KCNMA1: variants seen among roughly 807,000 people sequenced by gnomAD.
KCNMA1 encodes Calcium-activated potassium channel subunit alpha-1.
KCNMA1 carries 29 observed loss-of-function variants against 140.0 expected under a neutral mutation model. The ratio of observed to expected loss-of-function variants is 0.21; its 90% CI spans 0.15 to 0.28. The LOEUF is 0.28. Among genes scored for constraint, KCNMA1 ranks in the 10% least tolerant of loss-of-function variants. KCNMA1 has a pLI of 1.00. For synonymous variants in KCNMA1, 612 were observed against 611.9 expected (o/e 1.00, Z 0.00); for missense variants, 880 against 1,602.2 (o/e 0.55, Z 7.70).
intron 1 of KCNMA1, among the ~76,000 whole-genome samples, chr10:77,516,775 G>C (rs1450415791): frequency 6.6e-6 from 1 of 152,206 alleles, no homozygotes; most frequent in East Asian, 1.9e-4. Flanking sequence ...CCCTGTGCAA[G>C]TGTAAGAGGC....
At chr10:77,162,636 C>G (rs790) in intron 5 of KCNMA1, among the ~76,000 whole-genome samples, 48,563 of 151,980 alleles carry the variant, frequency 0.32, 9,649 homozygotes, top group East Asian at 0.9. Flanking sequence ...TCTTTCTGGT[C>G]TTTAAGGAAG....
chr10:77,208,789 G>C (rs567425805), intron 3 of KCNMA1, among the ~76,000 whole-genome samples: 1 of 152,274 alleles, frequency 6.6e-6, no homozygotes, highest in South Asian at 2.1e-4. Flanking sequence ...CAAATACACT[G>C]ATTCCCCAAT....
chr10:76,920,012 GTGTGTGTGTATA>G (rs1268315727), intron 23 of KCNMA1, among the ~76,000 whole-genome samples: 576 of 51,408 alleles, frequency 0.011, 3 homozygotes, highest in African/African-American at 0.052. Flanking sequence ...GTGTGTGTGT[GTGTGTGTGTATA>G]TATATATATA....
intron 9 of KCNMA1, among the ~76,000 whole-genome samples, chr10:77,096,242 T>C (rs2153812399): frequency 6.6e-6 from 1 of 152,164 alleles, no homozygotes; most frequent in African/African-American, 2.4e-5. Context: ...ATTGGGAGAC[T>C]GGGGGGCGAG....
At chr10:77,000,854 G>GGA (rs2086020856) in intron 19 of KCNMA1, among the ~76,000 whole-genome samples, 1 of 10,518 alleles carries the variant, frequency 9.5e-5, no homozygotes, top group African/African-American at 3.4e-4. Flanking sequence ...ATAGTAAAAA[G>GGA]AAAATATATA....
chr10:76,989,902 C>T (rs1458240081), intron 19 of KCNMA1, among the ~76,000 whole-genome samples: 1 of 151,780 alleles, frequency 6.6e-6, no homozygotes, highest in Non-Finnish European at 1.5e-5. Flanking sequence ...ATCTAGCAGT[C>T]CACTCATCCG....
chr10:77,288,910 G>A (rs1244255108), intron 2 of KCNMA1, among the ~76,000 whole-genome samples: 1 of 152,182 alleles, frequency 6.6e-6, no homozygotes, highest in Non-Finnish European at 1.5e-5. Context: ...CACAAGGCCA[G>A]GCAAGAAGAA....
At chr10:77,535,253 C>A (rs2058638436) in intron 1 of KCNMA1, among the ~76,000 whole-genome samples, 1 of 152,198 alleles carries the variant, frequency 6.6e-6, no homozygotes, top group Admixed American at 6.5e-5. Flanking sequence ...ACCATTGACT[C>A]CTGTTCATCT....
At chr10:77,551,401 C>T (rs1354028051) in intron 1 of KCNMA1, among the ~76,000 whole-genome samples, 1 of 151,978 alleles carries the variant, frequency 6.6e-6, no homozygotes, top group Non-Finnish European at 1.5e-5. Flanking sequence ...CAAATGTATA[C>T]CCAGCAAAAA....
intron 17 of KCNMA1, among the ~76,000 whole-genome samples, chr10:77,013,268 C>T (rs1402922731): frequency 6.6e-6 from 1 of 152,122 alleles, no homozygotes; most frequent in Non-Finnish European, 1.5e-5. Flanking sequence ...ACTCAGTGTC[C>T]TCATCTGTAA....
intron 2 of KCNMA1, among the ~76,000 whole-genome samples, chr10:77,251,606 T>C (rs547993446): frequency 1.3e-5 from 2 of 152,296 alleles, no homozygotes; most frequent in Admixed American, 1.3e-4. Context: ...ATACAATTTT[T>C]AATATTATAT....
chr10:77,574,182 C>T (rs1188901143), intron 1 of KCNMA1, among the ~76,000 whole-genome samples: 3 of 151,934 alleles, frequency 2.0e-5, no homozygotes, highest in South Asian at 2.1e-4. Flanking sequence ...TGTCAAGCTG[C>T]ATCTCATGTG....
At chr10:77,032,412 A>T (rs144777184) in intron 15 of KCNMA1, among the ~76,000 whole-genome samples, 42 of 152,242 alleles carry the variant, frequency 2.8e-4, no homozygotes, top group African/African-American at 9.9e-4. Context: ...AGGTAAGGGG[A>T]AAAAAGGAAG....
At chr10:77,177,713 T>C (rs776907543) in intron 5 of KCNMA1, among the ~76,000 whole-genome samples, 1 of 152,126 alleles carries the variant, frequency 6.6e-6, no homozygotes, top group Non-Finnish European at 1.5e-5. Flanking sequence ...CAGCCTCCAC[T>C]GAGCCCCAGC....
In KCNMA1 at chr10:76,885,488, A is replaced by C; in HGVS notation, c.*1778T>G. On this transcript the variant is annotated 3_prime_UTR_variant, in exon 28 of 28. Coordinates refer to ENST00000286628, the MANE Select transcript of KCNMA1 (RefSeq NM_001161352.2). ...TCAGTAAAAGTGCTTGTCAATTCACACAGCAAGCAAATATCCAAAACTATC... is the reference window on the plus strand; with the variant it reads ...TCAGTAAAAGTGCTTGTCAATTCACCCAGCAAGCAAATATCCAAAACTATC... The C allele has an allele frequency of 1.0e-6, 1 of 985,252 alleles. No individual in the cohort carries two copies. Among genetic ancestry groups the C allele is most frequent in the Non-Finnish European group, 1.2e-6 (1 of 829,910 alleles). 61.0% of individuals were successfully genotyped at this position (985,252 alleles called of 1,614,324 possible). A position where few individuals can be genotyped will look rare whatever the true frequency, so the allele number is the denominator to read the frequency against.
chr10:77,176,610 T>A (rs569374690), intron 5 of KCNMA1, among the ~76,000 whole-genome samples: 222 of 152,116 alleles, frequency 1.5e-3, no homozygotes, highest in Admixed American at 2.7e-3. Context: ...AGCAAAGGAC[T>A]CCAAAAGGCT....
intron 10 of KCNMA1, 24 bp from the exon 11 acceptor site, chr10:77,086,617 C>A: frequency 6.5e-7 from 1 of 1,548,372 alleles, no homozygotes; most frequent in South Asian, 1.1e-5. Context: ...GAAGAAATCG[C>A]TATTAATTTA....
chr10:76,999,973 C>G (rs2153400115), intron 19 of KCNMA1, among the ~76,000 whole-genome samples: 1 of 152,272 alleles, frequency 6.6e-6, no homozygotes, highest in East Asian at 1.9e-4. Flanking sequence ...TTCCCTGAGC[C>G]CTAGAGGCCT....
intron 15 of KCNMA1, among the ~76,000 whole-genome samples, chr10:77,036,376 G>T (rs2094334536): frequency 6.6e-6 from 1 of 152,070 alleles, no homozygotes; most frequent in African/African-American, 2.4e-5. Context: ...CCTACATCCT[G>T]CTCCCATATC....
Sources: gnomAD v4.1 joint callset for allele counts (sites outside exome capture counted in the v4.1 genomes callset) on GRCh38, gnomAD v4.1.1 for gene constraint, MANE v1.5 for transcripts, NCBI Gene and HGNC (gene_info 2026-07-23, HGNC 2026-07-21) for gene names.